The following NLRP13 variants were observed in gnomAD, a reference collection of about 807,000 sequenced individuals.
The protein encoded by NLRP13 is NLR family pyrin domain containing 13.
Under a neutral mutation model 94.4 loss-of-function variants are expected in NLRP13, and 82 were observed. The observed-to-expected ratio is 0.87, with a 90% CI of 0.73 to 1.04. NLRP13 has a LOEUF of 1.04. Ranked by LOEUF, NLRP13 falls within the 50% of genes least tolerant of loss-of-function variation. The pLI is 0.00. For missense variants in NLRP13, 1,426 were observed against 1,230.8 expected (o/e 1.16, Z -2.37); for synonymous variants, 553 against 464.7 (o/e 1.19, Z -2.45).
Position 55,905,113 on chromosome 19 carries a change from CT to C in NLRP13, c.2448-2del. On this transcript the variant is annotated splice_acceptor_variant, in intron 7 of 10. Transcript: ENST00000342929. LOFTEE classifies it high-confidence loss of function. The stretch of plus-strand genomic sequence containing the variant: ...TGCCGACAAGTTGCATTTCTCCAGG[CT>C]GTGGAAGGTGCAGGTGCAAGGTGAG... 6.2e-7 allele frequency: 1 copy of C among 1,613,426 alleles called. No individual in the cohort carries two copies.
At chr19:55,916,852 T>C (rs1986688258) in intron 4 of NLRP13, among the ~76,000 whole-genome samples, 1 of 151,562 alleles carries the variant, frequency 6.6e-6, no homozygotes, top group South Asian at 2.1e-4. Flanking sequence ...CATCCAAATA[T>C]AAGAGGATTA....
Position 55,923,913 on chromosome 19 carries a change from C to G in NLRP13, c.523+1G>C. On this transcript the variant is annotated splice_donor_variant, in intron 4 of 10. Coordinates refer to ENST00000342929, the MANE Select transcript of NLRP13 (RefSeq NM_176810.2). LOFTEE classifies it high-confidence loss of function. ...TTATCAACATAAAGTAGTATACACA[C>G]CTGCTTCCTCTAGCATCTCTGGTTC... 1 of 1,612,452 alleles carries G rather than the reference C, an allele frequency of 6.2e-7. No individual in the cohort carries two copies. The highest frequency in any genetic ancestry group is 1.1e-5 in the South Asian group (1 of 91,046).
At chr19:55,894,759 C>G (rs1157381205), downstream of NLRP13, among the ~76,000 whole-genome samples, 6 of 152,218 alleles carry the variant, frequency 3.9e-5, no homozygotes, top group Non-Finnish European at 5.9e-5. Context: ...TCCCCCCTGT[C>G]TACCATGCCA....
chr19:55,918,517 C>G (rs1213006710), intron 4 of NLRP13, among the ~76,000 whole-genome samples: 1 of 151,770 alleles, frequency 6.6e-6, no homozygotes, highest in African/African-American at 2.4e-5. Flanking sequence ...AAGATTCAAA[C>G]AAACAATCAG....
At chr19:55,901,856 C>G (rs920688631) in intron 9 of NLRP13, among the ~76,000 whole-genome samples, 179 bp downstream of exon 9, 2 of 152,150 alleles carry the variant, frequency 1.3e-5, no homozygotes, top group African/African-American at 4.8e-5. Flanking sequence ...CCCAGACACA[C>G]ACACATTCAC....
chr19:55,920,680 AT>A (rs1489334003), intron 4 of NLRP13, among the ~76,000 whole-genome samples: 1 of 152,186 alleles, frequency 6.6e-6, no homozygotes, highest in African/African-American at 2.4e-5. Flanking sequence ...TACAATATCT[AT>A]GAAAATATTA....
intron 4 of NLRP13, among the ~76,000 whole-genome samples, chr19:55,915,733 C>G (rs907849930): frequency 6.7e-6 from 1 of 150,286 alleles, no homozygotes; most frequent in African/African-American, 2.4e-5. Context: ...CAGCAGAGAT[C>G]AGCTAGGATA....
chr19:55,905,128 G>A lies in NLRP13; in HGVS notation c.2448-16C>T. The A allele has an allele frequency of 6.2e-7, 1 of 1,612,862 alleles. No individual in the cohort carries two copies. The highest frequency in any genetic ancestry group is 8.5e-7 in the Non-Finnish European group (1 of 1,179,460). On this transcript the variant is annotated splice_polypyrimidine_tract_variant and intron_variant, in intron 7 of 10. Coordinates refer to ENST00000342929, the MANE Select transcript of NLRP13 (RefSeq NM_176810.2). ...TTTCTCCAGGCTGTGGAAGGTGCAG[G>A]TGCAAGGTGAGCCTCAGCCATGATG... is the stretch of plus-strand genomic sequence containing the variant.
chr19:55,931,036 C>T (rs1204159287), intron 1 of NLRP13, among the ~76,000 whole-genome samples: 1 of 149,394 alleles, frequency 6.7e-6, no homozygotes, highest in East Asian at 2.0e-4. Flanking sequence ...TCTTGCAATG[C>T]CACAGAAGAT....
intron 8 of NLRP13, among the ~76,000 whole-genome samples, chr19:55,903,412 C>T (rs890038429): frequency 1.3e-5 from 2 of 152,072 alleles, no homozygotes; most frequent in African/African-American, 4.8e-5. Flanking sequence ...CTCAGGAAAA[C>T]CCACCTTTCC....
chr19:55,904,330 T>C (rs1986275653), intron 8 of NLRP13, among the ~76,000 whole-genome samples: 1 of 152,152 alleles, frequency 6.6e-6, no homozygotes, highest in South Asian at 2.1e-4. Flanking sequence ...CCTCGTGATC[T>C]GCCCGCCTCA....
chr19:55,896,240 C>G (rs1986006718), intron 10 of NLRP13, 121 bp from the exon 11 acceptor site: 9 of 1,099,658 alleles, frequency 8.2e-6, no homozygotes, highest in Non-Finnish European at 1.2e-5. Context: ...GAGTGGAGCA[C>G]TTGGCCAGGC....
At chr19:55,930,898 A>ATAT in intron 1 of NLRP13, among the ~76,000 whole-genome samples, 1 of 104,878 alleles carries the variant, frequency 9.5e-6, no homozygotes, top group African/African-American at 3.9e-5. Flanking sequence ...ATATATATAT[A>ATAT]AAATTTTAAC....
chr19:55,909,189 C>T (rs1171927661), intron 6 of NLRP13, among the ~76,000 whole-genome samples: 2 of 151,872 alleles, frequency 1.3e-5, no homozygotes, highest in South Asian at 2.1e-4. Context: ...CTCTATAGTT[C>T]CCCCCCGGCT....
intron 4 of NLRP13, among the ~76,000 whole-genome samples, chr19:55,918,276 G>A (rs1271690795): frequency 7.1e-5 from 10 of 140,746 alleles, no homozygotes; most frequent in Non-Finnish European, 1.4e-4. Context: ...AAAGTTTATA[G>A]CATTAAATGC....
At position 55,905,014 on chromosome 19, in the gene NLRP13, C is replaced by T. The variant is rs368241907; in HGVS notation, c.2546G>A (p.Arg849Gln). Reference sequence around the variant, plus strand: ...TAGCTTTATGCCATCATCTTGGAGCCGATTAAATCCCAGGCACAATCGAGT... The same window carrying T: ...TAGCTTTATGCCATCATCTTGGAGCTGATTAAATCCCAGGCACAATCGAGT... ...HVTRLCLGFN[R>Q]LQDDGIKLLC... The change falls in exon 8 of 11, where the codon CGG becomes CAG. Residue 849 changes from arginine to glutamine, a missense_variant. Transcript: ENST00000342929. 1.6e-5 allele frequency: 26 copies of T among 1,613,756 alleles called. No homozygotes were observed. The highest frequency in any genetic ancestry group is 1.1e-4 in the East Asian group (5 of 44,850).
At chr19:55,895,146 C>T (rs1985968163), downstream of NLRP13, among the ~76,000 whole-genome samples, 1 of 148,312 alleles carries the variant, frequency 6.7e-6, no homozygotes, top group Admixed American at 6.8e-5. Context: ...AATCGCAGCA[C>T]TTTGGGAGGC....
At chr19:55,905,418 C>CAT (rs1986312287) in intron 7 of NLRP13, among the ~76,000 whole-genome samples, 3 of 149,854 alleles carry the variant, frequency 2.0e-5, no homozygotes, top group African/African-American at 7.4e-5. Flanking sequence ...TATATATACA[C>CAT]GTATATATAC....
chr19:55,921,614 A>C (rs1382134321), intron 4 of NLRP13, among the ~76,000 whole-genome samples: 1 of 152,234 alleles, frequency 6.6e-6, no homozygotes, highest in Non-Finnish European at 1.5e-5. Context: ...AGAATAATAA[A>C]TATTACCTGT....
Sources: gnomAD v4.1 joint callset for allele counts (sites outside exome capture counted in the v4.1 genomes callset) on GRCh38, gnomAD v4.1.1 for gene constraint, MANE v1.5 for transcripts, NCBI Gene and HGNC (gene_info 2026-07-23, HGNC 2026-07-21) for gene names.